EXOC4: variants seen among roughly 807,000 people sequenced by gnomAD.
EXOC4 encodes the protein SEC8-like 1.
In EXOC4, 71 loss-of-function variants were observed where a neutral mutation model predicts 107.2. The ratio of observed to expected loss-of-function variants is 0.66; its 90% CI spans 0.55 to 0.81. EXOC4 has a LOEUF of 0.81. Among genes scored for constraint, EXOC4 ranks in the 30% least tolerant of loss-of-function variants. The probability of loss-of-function intolerance (pLI) is 0.00; values close to 1 mark genes in which losing one functional copy is unlikely to be tolerated. For missense variants in EXOC4, 1,108 were observed against 1,189.6 expected (o/e 0.93, Z 1.01); for synonymous variants, 456 against 441.2 (o/e 1.03, Z -0.42).
chr7:133,645,178 G>T (rs767103595), intron 10 of EXOC4, among the ~76,000 whole-genome samples: 1 of 145,278 alleles, frequency 6.9e-6, no homozygotes, highest in Admixed American at 7.1e-5. Flanking sequence ...TGCAACCTCC[G>T]CCTCCCGGGT....
At chr7:133,827,028 A>G (rs939032141) in intron 11 of EXOC4, among the ~76,000 whole-genome samples, 1 of 152,224 alleles carries the variant, frequency 6.6e-6, no homozygotes, top group Non-Finnish European at 1.5e-5. Flanking sequence ...TTTTAATCTT[A>G]GAAAATCTGA....
At chr7:133,468,451 C>T (rs533252854) in intron 7 of EXOC4, among the ~76,000 whole-genome samples, 1 of 152,126 alleles carries the variant, frequency 6.6e-6, no homozygotes, top group East Asian at 1.9e-4. Flanking sequence ...CATAGTAGCT[C>T]TATGAGGAAA....
At chr7:134,054,395 A>G (rs570855024) in intron 17 of EXOC4, among the ~76,000 whole-genome samples, 1 of 152,236 alleles carries the variant, frequency 6.6e-6, no homozygotes, top group Non-Finnish European at 1.5e-5. Flanking sequence ...TCCTAGACAA[A>G]TTCACTTGGG....
intron 7 of EXOC4, among the ~76,000 whole-genome samples, chr7:133,401,797 T>TA (rs1401837139): frequency 2.0e-5 from 3 of 152,190 alleles, no homozygotes; most frequent in Admixed American, 2.0e-4. Flanking sequence ...GACATAAGTT[T>TA]ACCTTCTTCA....
At chr7:133,562,900 C>T (rs966312958) in intron 9 of EXOC4, among the ~76,000 whole-genome samples, 2 of 152,174 alleles carry the variant, frequency 1.3e-5, no homozygotes, top group Non-Finnish European at 2.9e-5. Flanking sequence ...AAACTGAATA[C>T]TATCCTAATT....
chr7:133,808,789 C>G (rs936774760), intron 10 of EXOC4, among the ~76,000 whole-genome samples: 9 of 151,876 alleles, frequency 5.9e-5, no homozygotes, highest in Non-Finnish European at 1.2e-4. Context: ...TATAAATCTA[C>G]CATGGTAGGG....
intron 10 of EXOC4, among the ~76,000 whole-genome samples, chr7:133,702,066 T>A (rs1585089241): frequency 6.8e-6 from 1 of 146,610 alleles, no homozygotes; most frequent in East Asian, 2.0e-4. Flanking sequence ...AGTGTGGTGA[T>A]CTTGGCTCAC....
At chr7:133,752,774 G>A (rs1002794836) in intron 10 of EXOC4, among the ~76,000 whole-genome samples, 8 of 152,194 alleles carry the variant, frequency 5.3e-5, no homozygotes, top group African/African-American at 1.7e-4. Context: ...TTGACTCAAC[G>A]TGTAAATGTT....
intron 9 of EXOC4, among the ~76,000 whole-genome samples, chr7:133,617,522 T>C (rs1802222445): frequency 1.3e-5 from 2 of 152,202 alleles, no homozygotes; most frequent in Non-Finnish European, 2.9e-5. Context: ...AAAGTACTGC[T>C]AAAGCCAGTT....
At chr7:133,299,475 A>C (rs1794595510) in intron 3 of EXOC4, among the ~76,000 whole-genome samples, 1 of 152,214 alleles carries the variant, frequency 6.6e-6, no homozygotes, top group African/African-American at 2.4e-5. Flanking sequence ...ACTGATGTTT[A>C]AGGGGGAAAA....
intron 17 of EXOC4, among the ~76,000 whole-genome samples, chr7:134,054,109 C>A (rs1390948840): frequency 6.6e-6 from 1 of 152,110 alleles, no homozygotes; most frequent in African/African-American, 2.4e-5. Flanking sequence ...CCACGCCCAG[C>A]CAATTTTTTA....
the EXOC4 span, among the ~76,000 whole-genome samples, chr7:134,089,638 C>A: frequency 6.6e-6 from 1 of 152,180 alleles, no homozygotes; most frequent in Non-Finnish European, 1.5e-5. Flanking sequence ...TTATACATTT[C>A]TTGCATAAAT....
Position 133,984,403 on chromosome 7 carries a change from C to T in EXOC4, c.2207-13089C>T, listed in dbSNP as rs544383444. Among the ~76,000 whole-genome samples, 166 of 152,260 alleles carry T rather than the reference C, an allele frequency of 1.1e-3. 1 individual carries two copies. The highest frequency in any genetic ancestry group is 3.1e-3 in the African/African-American group (128 of 41,546). Reference sequence around the variant, plus strand: ...TTTGGAACAATTCTTCCATTTCAGACGCTCATATCCTTCCTGGAGCTTTAG... The same window carrying T: ...TTTGGAACAATTCTTCCATTTCAGATGCTCATATCCTTCCTGGAGCTTTAG... On this transcript the variant is annotated intron_variant, in intron 14 of 17. Transcript: ENST00000253861.
At chr7:133,812,167 A>G (rs774689795) in intron 10 of EXOC4, among the ~76,000 whole-genome samples, 3 of 152,290 alleles carry the variant, frequency 2.0e-5, no homozygotes, top group Admixed American at 6.5e-5. Flanking sequence ...AAATCATACA[A>G]TATTTCACAC....
chr7:133,554,066 T>A (rs1013176867), intron 9 of EXOC4, among the ~76,000 whole-genome samples: 18 of 152,280 alleles, frequency 1.2e-4, no homozygotes, highest in African/African-American at 3.8e-4. Flanking sequence ...AGTTTTTACA[T>A]TGAAAAACCT....
At chr7:133,502,991 G>A (rs1473886264) in intron 9 of EXOC4, among the ~76,000 whole-genome samples, 1 of 152,110 alleles carries the variant, frequency 6.6e-6, no homozygotes, top group Non-Finnish European at 1.5e-5. Context: ...ATATTTGCAT[G>A]TATGATGAAT....
chr7:134,027,116 A>T (rs1263454588), intron 17 of EXOC4, among the ~76,000 whole-genome samples: 1 of 152,194 alleles, frequency 6.6e-6, no homozygotes, highest in African/African-American at 2.4e-5. Context: ...TTAAAAATAT[A>T]TAGTATATTC....
intron 9 of EXOC4, among the ~76,000 whole-genome samples, chr7:133,537,620 C>A (rs1321415129): frequency 1.3e-5 from 2 of 152,120 alleles, no homozygotes; most frequent in Non-Finnish European, 2.9e-5. Flanking sequence ...TCCTGAACTA[C>A]CCACCATGGT....
chr7:133,412,752 A>T (rs56063544), intron 7 of EXOC4, among the ~76,000 whole-genome samples: 1 of 152,112 alleles, frequency 6.6e-6, no homozygotes, highest in Non-Finnish European at 1.5e-5. Flanking sequence ...ATCATAGAGA[A>T]GTTTTTCATA....
Sources: allele counts gnomAD v4.1 joint callset (sites outside exome capture counted in the v4.1 genomes callset), GRCh38; gene constraint gnomAD v4.1.1; transcripts MANE v1.5; gene names NCBI Gene and HGNC (gene_info 2026-07-23, HGNC 2026-07-21).